The following SMC1B variants were observed in gnomAD, a reference collection of about 807,000 sequenced individuals.
The protein encoded by SMC1B is structural maintenance of chromosomes protein 1B.
A neutral mutation model predicts 157.9 loss-of-function variants in SMC1B; 60 were observed. That is an observed-to-expected ratio of 0.38 (90% CI 0.31 to 0.47). The LOEUF (loss-of-function observed/expected upper bound fraction) is 0.47. Among genes scored for constraint, SMC1B ranks in the 20% least tolerant of loss-of-function variants. The pLI is 0.99. For synonymous variants in SMC1B, 445 were observed against 483.0 expected, an observed-to-expected ratio of 0.92 and a Z score of 1.03; for missense variants, 1,165 against 1,426.2, an observed-to-expected ratio of 0.82 and a Z score of 2.95.
Position 45,370,054 on chromosome 22 carries a change from C to A in SMC1B, c.2320G>T (p.Asp774Tyr). The change falls in exon 15 of 25, where the codon GAC (aspartate) becomes TAC (tyrosine). Residue 774 changes from aspartate to tyrosine, a missense_variant. By Grantham distance (160) the Asp-to-Tyr change is radical. Coordinates refer to ENST00000357450, the MANE Select transcript of SMC1B (RefSeq NM_148674.5). ...EFQEKIDKVE[D>Y]DIFQHFCEEI... ...TCACAGAAGTGTTGGAAGATATCGT[C>A]TTCTACCTTTTAAATTATTTTAAAA... The A allele has an allele frequency of 6.6e-7, 1 of 1,517,878 alleles. No homozygotes were observed. The highest frequency in any genetic ancestry group is 1.3e-5 in the South Asian group (1 of 79,448). 94.0% of individuals were successfully genotyped at this position (1,517,878 alleles called of 1,614,324 possible).
intron 23 of SMC1B, among the ~76,000 whole-genome samples, chr22:45,345,979 G>A (rs912605019): frequency 2.0e-5 from 3 of 150,996 alleles, no homozygotes; most frequent in Non-Finnish European, 4.4e-5. Flanking sequence ...TGAGGCAGGC[G>A]GATCACCAGA....
At chr22:45,403,506 T>C (rs2087220776) in intron 4 of SMC1B, among the ~76,000 whole-genome samples, 1 of 152,200 alleles carries the variant, frequency 6.6e-6, no homozygotes, top group African/African-American at 2.4e-5. Context: ...CAGGCTGGAA[T>C]GCAATGGCAC....
chr22:45,405,466 G>A (rs2087248602), intron 4 of SMC1B, among the ~76,000 whole-genome samples: 1 of 151,828 alleles, frequency 6.6e-6, no homozygotes, highest in Non-Finnish European at 1.5e-5. Flanking sequence ...GCAGGAGAAT[G>A]GCGTGAACCC....
intron 16 of SMC1B, 146 bp from the exon 17 acceptor site, chr22:45,362,130 A>C: frequency 1.4e-6 from 1 of 696,720 alleles, no homozygotes; most frequent in Non-Finnish European, 2.3e-6. Flanking sequence ...GTGGACTGTG[A>C]CTCACGTTCT....
Position 45,344,546 on chromosome 22 carries a change from A to G in SMC1B, c.*10T>C. The G allele has an allele frequency of 6.3e-7, 1 of 1,595,608 alleles. No individual in the cohort carries two copies. Among genetic ancestry groups the G allele is most frequent in the Non-Finnish European group, 8.6e-7 (1 of 1,163,252 alleles). On this transcript the variant is annotated 3_prime_UTR_variant, in exon 25 of 25. Coordinates refer to ENST00000357450, the MANE Select transcript of SMC1B (RefSeq NM_148674.5). ...TGAACAGTGATCAGGTGACTGCTGC[A>G]GGACTGCCCCTAGCGGGACTCTCCG...
chr22:45,395,267 G>A (rs1416831228), intron 7 of SMC1B, among the ~76,000 whole-genome samples: 1 of 152,092 alleles, frequency 6.6e-6, no homozygotes, highest in Non-Finnish European at 1.5e-5. Context: ...GCACCTGTAG[G>A]GCAACTAATA....
Position 45,359,924 on chromosome 22 carries a change from T to C in SMC1B, c.2743A>G (p.Ile915Val), listed in dbSNP as rs989797617. ...CGTTTCTGTTCCAGAGAAGTTTGAA[T>C]ACTTACAACTTCTTTTTGCAATTTC... is the stretch of plus-strand genomic sequence containing the variant. ...VGKLQKEVVS[I>V]QTSLEQKRLE... Residue 915 changes from isoleucine (I) to valine (V), a missense_variant, in exon 18 of 25, where the codon ATT becomes GTT. Transcript: ENST00000357450. The C allele has an allele frequency of 6.8e-6, 11 of 1,613,798 alleles. No homozygotes were observed. The highest frequency in any genetic ancestry group is 3.3e-4 in the Middle Eastern group (2 of 6,056).
At chr22:45,360,703 G>A (rs1173577777) in intron 17 of SMC1B, among the ~76,000 whole-genome samples, 4 of 151,934 alleles carry the variant, frequency 2.6e-5, no homozygotes, top group African/African-American at 2.4e-5. Flanking sequence ...AAAAAAGCAA[G>A]AGTAAACGGA....
intron 22 of SMC1B, among the ~76,000 whole-genome samples, chr22:45,351,575 G>A (rs1023176310): frequency 6.6e-6 from 1 of 152,164 alleles, no homozygotes; most frequent in Non-Finnish European, 1.5e-5. Context: ...TTGAGACAGA[G>A]TTTTGTTCTT....
intron 1 of SMC1B, among the ~76,000 whole-genome samples, chr22:45,409,957 A>G (rs2087312231): frequency 6.6e-6 from 1 of 152,218 alleles, no homozygotes; most frequent in Non-Finnish European, 1.5e-5. Context: ...TGATAGGCAA[A>G]CGGTGCCTAT....
intron 12 of SMC1B, among the ~76,000 whole-genome samples, chr22:45,373,260 T>C (rs2086852592): frequency 6.6e-6 from 1 of 152,190 alleles, no homozygotes; most frequent in Non-Finnish European, 1.5e-5. Context: ...CACAGGCATG[T>C]CCTTAACCTT....
chr22:45,395,960 A>C (rs915239243), intron 7 of SMC1B, among the ~76,000 whole-genome samples: 1 of 152,222 alleles, frequency 6.6e-6, no homozygotes, highest in African/African-American at 2.4e-5. Flanking sequence ...CGGTGTTGGT[A>C]ACTCTAGATT....
Position 45,393,824 on chromosome 22 carries a change from TTC to T in SMC1B, c.1353_1354del (p.Lys453ThrfsTer9). 1 of 1,609,830 alleles carries T rather than the reference TTC, an allele frequency of 6.2e-7. No individual in the cohort carries two copies. Among genetic ancestry groups the T allele is most frequent in the Non-Finnish European group, 8.5e-7 (1 of 1,177,838 alleles). On this transcript the variant is annotated frameshift_variant, in exon 9 of 25. Coordinates refer to ENST00000357450, the MANE Select transcript of SMC1B (RefSeq NM_148674.5). LOFTEE classifies it high-confidence loss of function. Reference sequence around the variant, plus strand: ...CACTAGGGTTTCCTCTTGCTGTTTTTTCTCTTTCAAGCAATCCCTACAAAATA... The same window carrying T: ...CACTAGGGTTTCCTCTTGCTGTTTTTTCTTTCAAGCAATCCCTACAAAATA...
intron 14 of SMC1B, 100 bp downstream of exon 14, chr22:45,371,371 C>T (rs2086829341): frequency 7.2e-7 from 1 of 1,387,132 alleles, no homozygotes; most frequent in Admixed American, 3.0e-5. Context: ...GGCACTGTTA[C>T]CTATCAACCT....
At chr22:45,395,227 G>A (rs1312679101) in intron 7 of SMC1B, among the ~76,000 whole-genome samples, 1 of 152,188 alleles carries the variant, frequency 6.6e-6, no homozygotes, top group Admixed American at 6.5e-5. Flanking sequence ...AGTAATTATA[G>A]TAGAGTGGTT....
Position 45,372,277 on chromosome 22 carries a change from G to A in SMC1B, c.2074C>T (p.Leu692Phe). The A allele has an allele frequency of 1.2e-6, 2 of 1,601,922 alleles. No individual in the cohort carries two copies. Among genetic ancestry groups the A allele is most frequent in the Non-Finnish European group, 1.7e-6 (2 of 1,176,054 alleles). The change falls in exon 13 of 25, where the codon CTC (leucine) becomes TTC (phenylalanine). Residue 692 changes from leucine (L) to phenylalanine (F), a missense_variant. Transcript: ENST00000357450. ...TGTTTCAAATCTGTTTCTTTGCGGA[G>A]TGTCTTCATTAAACCCTAAAAGGAA... ...IQELKGLMKT[L>F]RKETDLKQIQ...
intron 13 of SMC1B, 27 bp from the exon 14 acceptor site, chr22:45,371,614 T>C: frequency 6.4e-7 from 1 of 1,570,310 alleles, no homozygotes; most frequent in Non-Finnish European, 8.6e-7. Flanking sequence ...AAAATTTTTT[T>C]AACATGGCTG....
chr22:45,351,698 TC>T (rs2086616891), intron 22 of SMC1B, among the ~76,000 whole-genome samples: 1 of 152,158 alleles, frequency 6.6e-6, no homozygotes, highest in South Asian at 2.1e-4. Flanking sequence ...CAGACATGTG[TC>T]ACCACATCTG....
chr22:45,407,960 A>C (rs1405956136), intron 2 of SMC1B, among the ~76,000 whole-genome samples: 1 of 152,184 alleles, frequency 6.6e-6, no homozygotes, highest in Non-Finnish European at 1.5e-5. Context: ...ACACACACAA[A>C]TTCAAACATT....
Sources: allele counts gnomAD v4.1 joint callset (sites outside exome capture counted in the v4.1 genomes callset), GRCh38; gene constraint gnomAD v4.1.1; transcripts MANE v1.5; gene names NCBI Gene and HGNC (gene_info 2026-07-23, HGNC 2026-07-21).